PTPN4: variants seen among roughly 807,000 people sequenced by gnomAD.
The protein encoded by PTPN4 is protein tyrosine phosphatase non-receptor type 4.
PTPN4 carries 49 observed loss-of-function variants against 135.5 expected under a neutral mutation model. That is an observed-to-expected ratio of 0.36 (90% CI 0.29 to 0.46). The LOEUF (loss-of-function observed/expected upper bound fraction) is 0.46, where lower values mean the gene tolerates loss of function less well. Ranked by LOEUF, PTPN4 falls within the 20% of genes least tolerant of loss-of-function variation. The pLI, the probability that PTPN4 is intolerant of heterozygous loss-of-function variation, is 1.00. For missense variants in PTPN4, 860 were observed against 1,101.0 expected (o/e 0.78, Z 3.10); for synonymous variants, 333 against 369.9 (o/e 0.90, Z 1.14).
Position 119,876,896 on chromosome 2 carries a change from C to CAT in PTPN4, c.247-426_247-425dup, listed in dbSNP as rs1390159616. Among the ~76,000 whole-genome samples, 634 of 96,524 alleles carry CAT rather than the reference C, an allele frequency of 6.6e-3. 7 individuals carry two copies. Among genetic ancestry groups the CAT allele is most frequent in the African/African-American group, 0.019 (520 of 26,722 alleles). 63.3% of individuals were successfully genotyped at this position (96,524 alleles called of 152,430 possible). On this transcript the variant is annotated intron_variant, in intron 3 of 26. Coordinates refer to ENST00000263708, the MANE Select transcript of PTPN4 (RefSeq NM_002830.4). ...CCTGAATGAGTATAAAGCCCAAGAG[C>CAT]ATGTGTGTGTGTGTGTGTGTGTGTG...
intron 13 of PTPN4, among the ~76,000 whole-genome samples, chr2:119,927,112 G>T (rs1193547838): frequency 3.6e-5 from 5 of 137,060 alleles, no homozygotes; most frequent in Non-Finnish European, 7.8e-5. Context: ...TAGCCAATTT[G>T]CTTTTTTTTT....
At chr2:119,963,946 A>C (rs902453235) in intron 24 of PTPN4, among the ~76,000 whole-genome samples, 1 of 152,320 alleles carries the variant, frequency 6.6e-6, no homozygotes, top group East Asian at 1.9e-4. Context: ...CCCTGAGTAC[A>C]TTAGAACTAA....
chr2:119,788,231 G>A (rs2104933440), intron 1 of PTPN4, among the ~76,000 whole-genome samples: 1 of 152,086 alleles, frequency 6.6e-6, no homozygotes, highest in South Asian at 2.1e-4. Flanking sequence ...AAAAGATGAT[G>A]GAGGAAGAAA....
intron 2 of PTPN4, among the ~76,000 whole-genome samples, chr2:119,859,231 G>C (rs991191419): frequency 6.6e-6 from 1 of 151,976 alleles, no homozygotes; most frequent in Non-Finnish European, 1.5e-5. Flanking sequence ...TCCAATATCT[G>C]ATTCCTTTCG....
rs139212008 is a variant in PTPN4 at position 119,858,195 on chromosome 2, A to G, written c.139-4341A>G. Among the ~76,000 whole-genome samples the G allele has an allele frequency of 2.0e-3, 308 of 152,324 alleles. 1 individual carries two copies. Among genetic ancestry groups the G allele is most frequent in the Non-Finnish European group, 3.7e-3 (253 of 68,032 alleles). On this transcript the variant is annotated intron_variant, in intron 2 of 26. Transcript: ENST00000263708. ...AGCCAATTAAACTCCTTTTCTTTATAAATTACCCAGTCTCAGATATTTATT... is the reference window on the plus strand; with the variant it reads ...AGCCAATTAAACTCCTTTTCTTTATGAATTACCCAGTCTCAGATATTTATT...
chr2:119,867,355 A>G (rs1352155361), intron 3 of PTPN4, among the ~76,000 whole-genome samples: 1 of 152,100 alleles, frequency 6.6e-6, no homozygotes, highest in Non-Finnish European at 1.5e-5. Context: ...AGAAAAGAAG[A>G]TGAGTGCTAG....
intron 16 of PTPN4, 72 bp downstream of exon 16, chr2:119,945,312 T>A (rs1165207322): frequency 7.3e-7 from 1 of 1,379,246 alleles, no homozygotes; most frequent in African/African-American, 1.5e-5. Context: ...TCTTTTGTAC[T>A]TTGGCAGTTT....
At chr2:119,948,018 G>A (rs905943032) in intron 18 of PTPN4, among the ~76,000 whole-genome samples, 12 of 152,094 alleles carry the variant, frequency 7.9e-5, no homozygotes, top group South Asian at 2.1e-4. Flanking sequence ...AAAAAAGTCC[G>A]TTGTGACTGG....
chr2:119,968,690 G>A (rs1293646634), intron 26 of PTPN4, among the ~76,000 whole-genome samples: 1 of 152,140 alleles, frequency 6.6e-6, no homozygotes, highest in Non-Finnish European at 1.5e-5. Context: ...TACTCAGGAG[G>A]CTGAGGCAGG....
intron 1 of PTPN4, among the ~76,000 whole-genome samples, chr2:119,799,355 TCAAA>T (rs1435646475): frequency 2.6e-5 from 4 of 152,196 alleles, no homozygotes; most frequent in African/African-American, 9.6e-5. Flanking sequence ...TCCAAAGTTA[TCAAA>T]CAAATTAGTA....
chr2:119,830,911 C>G (rs541979628), intron 2 of PTPN4, among the ~76,000 whole-genome samples: 2 of 152,280 alleles, frequency 1.3e-5, no homozygotes, highest in South Asian at 2.1e-4. Flanking sequence ...AACTGTGAGC[C>G]AATTAAACTT....
chr2:119,964,027 C>CAT (rs1679409978), intron 24 of PTPN4, among the ~76,000 whole-genome samples: 1 of 152,166 alleles, frequency 6.6e-6, no homozygotes, highest in Admixed American at 6.5e-5. Flanking sequence ...TAAATACATA[C>CAT]ATACATGGAT....
chr2:119,947,762 CCACA>C (rs3084728), intron 18 of PTPN4, among the ~76,000 whole-genome samples: 47 of 147,238 alleles, frequency 3.2e-4, no homozygotes, highest in East Asian at 1.2e-3. Context: ...AACACCACTA[CCACA>C]CACACACACA....
intron 26 of PTPN4, among the ~76,000 whole-genome samples, chr2:119,975,050 C>T (rs1164248229): frequency 6.6e-6 from 1 of 152,064 alleles, no homozygotes; most frequent in East Asian, 1.9e-4. Context: ...GCTCTTTTTG[C>T]CCTTTGAGTA....
intron 2 of PTPN4, among the ~76,000 whole-genome samples, chr2:119,824,029 A>G (rs1215651535): frequency 6.6e-6 from 1 of 152,186 alleles, no homozygotes; most frequent in African/African-American, 2.4e-5. Context: ...ATATTTTCCA[A>G]ATTCCCGCTA....
intron 1 of PTPN4, among the ~76,000 whole-genome samples, chr2:119,766,443 T>TGCGCGCGC (rs145798313): frequency 8.2e-5 from 9 of 109,840 alleles, no homozygotes; most frequent in South Asian, 3.3e-4. Flanking sequence ...TATGCGCATG[T>TGCGCGCGC]GCGCGCGTGT....
In PTPN4 at chr2:119,934,860, G is replaced by T; in HGVS notation, c.1257G>T (p.Leu419Phe). The change falls in exon 15 of 27, where the codon TTG becomes TTT. Residue 419 changes from leucine to phenylalanine, a missense_variant. Transcript: ENST00000263708. ...TRLRPSSVGHLVDHMVHTSPS... is the reference protein window; with the variant it reads ...TRLRPSSVGHFVDHMVHTSPS... Reference sequence around the variant, plus strand: ...TACGACCATCTTCAGTTGGTCATTTGGTAGACCATATGGTTCATACTTCCC... The same window carrying T: ...TACGACCATCTTCAGTTGGTCATTTTGTAGACCATATGGTTCATACTTCCC... The T allele has an allele frequency of 6.2e-7, 1 of 1,613,780 alleles. No homozygotes were observed. The highest frequency in any genetic ancestry group is 2.2e-5 in the East Asian group (1 of 44,874).
chr2:119,814,221 AG>A (rs1676954079), intron 2 of PTPN4, among the ~76,000 whole-genome samples: 1 of 152,158 alleles, frequency 6.6e-6, no homozygotes, highest in East Asian at 1.9e-4. Flanking sequence ...GGGATTGGAG[AG>A]GACTTACCTA....
At chr2:119,926,242 T>C (rs1678822430) in intron 12 of PTPN4, among the ~76,000 whole-genome samples, 1 of 151,956 alleles carries the variant, frequency 6.6e-6, no homozygotes. Context: ...AAGATCAGTT[T>C]CTCTCTATCA....
Sources: allele counts gnomAD v4.1 joint callset (sites outside exome capture counted in the v4.1 genomes callset), GRCh38; gene constraint gnomAD v4.1.1; transcripts MANE v1.5; gene names NCBI Gene and HGNC (gene_info 2026-07-23, HGNC 2026-07-21).